The following PTPRD variants were observed in gnomAD, a reference collection of about 807,000 sequenced individuals.
PTPRD encodes the protein receptor-type tyrosine-protein phosphatase delta.
PTPRD carries 34 observed loss-of-function variants against 214.5 expected under a neutral mutation model. That is an observed-to-expected ratio of 0.16 (90% CI 0.12 to 0.21). The LOEUF is 0.21. Among genes scored for constraint, PTPRD ranks in the 10% least tolerant of loss-of-function variants. PTPRD has a pLI of 1.00. For synonymous variants in PTPRD, 1,128 were observed against 845.7 expected (o/e 1.33, Z -5.79); for missense variants, 2,545 against 2,398.7 (o/e 1.06, Z -1.27).
chr9:10,064,868 G>A (rs2154172940), intron 3 of PTPRD, among the ~76,000 whole-genome samples: 1 of 152,106 alleles, frequency 6.6e-6, no homozygotes, highest in Non-Finnish European at 1.5e-5. Flanking sequence ...GAAAACTAGA[G>A]TTGCTATTTT....
chr9:9,968,210 A>G (rs890320834), intron 4 of PTPRD, among the ~76,000 whole-genome samples: 4 of 152,218 alleles, frequency 2.6e-5, no homozygotes, highest in African/African-American at 7.2e-5. Flanking sequence ...GCAGTGTGCT[A>G]CACTAGGACA....
At chr9:8,746,399 G>A (rs1339058563) in intron 11 of PTPRD, among the ~76,000 whole-genome samples, 1 of 152,172 alleles carries the variant, frequency 6.6e-6, no homozygotes, top group African/African-American at 2.4e-5. Context: ...CCCATACCAA[G>A]ATGTATCAGA....
At chr9:9,999,500 T>C (rs532066760) in intron 4 of PTPRD, among the ~76,000 whole-genome samples, 1 of 152,324 alleles carries the variant, frequency 6.6e-6, no homozygotes, top group East Asian at 1.9e-4. Flanking sequence ...AATTTAATTA[T>C]ACATGGGATT....
chr9:9,192,702 T>A (rs904379450), intron 9 of PTPRD, among the ~76,000 whole-genome samples: 4 of 152,010 alleles, frequency 2.6e-5, no homozygotes, highest in Non-Finnish European at 4.4e-5. Context: ...AATAATGAAA[T>A]AATCATCCTT....
intron 10 of PTPRD, among the ~76,000 whole-genome samples, chr9:9,022,792 T>A (rs1055239700): frequency 2.0e-5 from 3 of 152,192 alleles, no homozygotes; most frequent in African/African-American, 7.2e-5. Flanking sequence ...TTGCTGAAAG[T>A]AGCTGCAAAA....
At chr9:10,375,127 C>G (rs1310605012) in intron 2 of PTPRD, among the ~76,000 whole-genome samples, 1 of 151,922 alleles carries the variant, frequency 6.6e-6, no homozygotes, top group Non-Finnish European at 1.5e-5. Flanking sequence ...AAAAAATAGA[C>G]AATTTACTTT....
chr9:10,104,180 G>A (rs2154217824), intron 3 of PTPRD, among the ~76,000 whole-genome samples: 1 of 151,702 alleles, frequency 6.6e-6, no homozygotes, highest in East Asian at 1.9e-4. Flanking sequence ...GGAAGGAGGA[G>A]TGATTGTATA....
intron 4 of PTPRD, among the ~76,000 whole-genome samples, chr9:10,025,439 A>G (rs972064256): frequency 3.9e-5 from 6 of 152,212 alleles, no homozygotes; most frequent in Admixed American, 3.3e-4. Context: ...CCTGAGAATG[A>G]TAATTATAAA....
At chr9:10,610,662 G>C (rs1032421334) in intron 2 of PTPRD, among the ~76,000 whole-genome samples, 7 of 151,934 alleles carry the variant, frequency 4.6e-5, no homozygotes, top group African/African-American at 1.2e-4. Flanking sequence ...TGTTAGCTAA[G>C]AGCAGTAATA....
chr9:9,278,566 C>T (rs1946499599), intron 9 of PTPRD, among the ~76,000 whole-genome samples: 1 of 151,226 alleles, frequency 6.6e-6, no homozygotes, highest in Non-Finnish European at 1.5e-5. Flanking sequence ...AAGTTAAGAG[C>T]CTGGCTGTAG....
intron 10 of PTPRD, among the ~76,000 whole-genome samples, chr9:9,159,125 CT>C (rs2099884035): frequency 6.6e-6 from 1 of 152,144 alleles, no homozygotes; most frequent in African/African-American, 2.4e-5. Flanking sequence ...AACTTGAAAG[CT>C]TTTCCTTTAA....
intron 3 of PTPRD, among the ~76,000 whole-genome samples, chr9:10,163,110 T>C (rs1004501712): frequency 2.7e-5 from 4 of 150,178 alleles, no homozygotes; most frequent in African/African-American, 9.9e-5. Flanking sequence ...GTGATTATTT[T>C]TTATTTTTTA....
At chr9:8,985,083 A>T (rs1419771862) in intron 11 of PTPRD, among the ~76,000 whole-genome samples, 1 of 152,082 alleles carries the variant, frequency 6.6e-6, no homozygotes, top group African/African-American at 2.4e-5. Context: ...AACATCTCGC[A>T]ACAGACAGTT....
chr9:8,569,000 AAC>A (rs1449336639), intron 14 of PTPRD, among the ~76,000 whole-genome samples: 1 of 152,086 alleles, frequency 6.6e-6, no homozygotes, highest in Non-Finnish European at 1.5e-5. Flanking sequence ...TAAGTTCAAA[AAC>A]ACATCTGACT....
intron 3 of PTPRD, among the ~76,000 whole-genome samples, chr9:10,213,458 A>T (rs2099526169): frequency 6.6e-6 from 1 of 152,064 alleles, no homozygotes; most frequent in Non-Finnish European, 1.5e-5. Flanking sequence ...TGTCAGGTGG[A>T]TGCAGAGGAC....
intron 8 of PTPRD, among the ~76,000 whole-genome samples, chr9:9,508,775 T>C (rs1003592420): frequency 6.6e-6 from 1 of 151,594 alleles, no homozygotes; most frequent in Non-Finnish European, 1.5e-5. Context: ...CTTATCTCCT[T>C]CCTTTTCCCT....
chr9:9,884,603 G>T (rs550633093), intron 5 of PTPRD, among the ~76,000 whole-genome samples: 1 of 152,112 alleles, frequency 6.6e-6, no homozygotes, highest in South Asian at 2.1e-4. Context: ...GCCTAGAGGA[G>T]TGATATGGTT....
chr9:9,981,957 G>T (rs1482994067), intron 4 of PTPRD, among the ~76,000 whole-genome samples: 1 of 152,018 alleles, frequency 6.6e-6, no homozygotes, highest in Non-Finnish European at 1.5e-5. Flanking sequence ...TTACCACAGG[G>T]CATGACACAT....
At chr9:8,571,615 G>A (rs192449122) in intron 14 of PTPRD, among the ~76,000 whole-genome samples, 1 of 152,214 alleles carries the variant, frequency 6.6e-6, no homozygotes. Context: ...TAAAACAACT[G>A]AGCAAAGCCA....
Sources: allele counts gnomAD v4.1 joint callset (sites outside exome capture counted in the v4.1 genomes callset), GRCh38; gene constraint gnomAD v4.1.1; transcripts MANE v1.5; gene names NCBI Gene and HGNC (gene_info 2026-07-23, HGNC 2026-07-21).